Variants in PCDH11X observed in about 807,000 individuals in gnomAD.
PCDH11X encodes the protein protocadherin 11 X-linked.
PCDH11X carries 18 observed loss-of-function variants against 53.3 expected under a neutral mutation model. The observed-to-expected ratio is 0.34, with a 90% confidence interval of 0.23 to 0.50. The LOEUF (loss-of-function observed/expected upper bound fraction) is 0.50. Among genes scored for constraint, PCDH11X ranks in the 20% least tolerant of loss-of-function variants. PCDH11X has a pLI of 0.98. For missense variants in PCDH11X, 570 were observed against 1,032.4 expected, an observed-to-expected ratio of 0.55 and a Z score of 6.14; for synonymous variants, 279 against 393.3, an observed-to-expected ratio of 0.71 and a Z score of 3.44.
chrX:92,565,485 A>G (rs1272378025), intron 10 of PCDH11X, among the ~76,000 whole-genome samples: 2 of 96,510 alleles, frequency 2.1e-5, no homozygotes, highest in African/African-American at 7.5e-5. Flanking sequence ...CATTTGCAAC[A>G]ACATAGATGG....
chrX:92,102,510 AG>A lies in PCDH11X; in HGVS notation c.3034-98862del, dbSNP rs2064281532. 2.7e-5 allele frequency among the ~76,000 whole-genome samples: 3 copies of A among 111,460 alleles called. No individual in the cohort carries two copies. The South Asian group carries it at 1.1e-3, about 42-fold the overall frequency. On this transcript the variant is annotated intron_variant, in intron 6 of 10. Transcript: ENST00000682573. Reference sequence around the variant, plus strand: ...GGGAGATTAATCGGACACGATCAGCAGGGAAAGCATGTGTGTTTTTAGGAGA... The same window carrying A: ...GGGAGATTAATCGGACACGATCAGCAGGAAAGCATGTGTGTTTTTAGGAGA...
chrX:91,977,472 T>C (rs1361272648), intron 6 of PCDH11X, among the ~76,000 whole-genome samples: 1 of 112,154 alleles, frequency 8.9e-6, no homozygotes, highest in East Asian at 2.8e-4. Context: ...CTATGCAGGA[T>C]TTTGTTTCAA....
intron 10 of PCDH11X, among the ~76,000 whole-genome samples, chrX:92,599,109 A>G (rs1925952429): frequency 8.9e-6 from 1 of 111,827 alleles, no homozygotes; most frequent in Admixed American, 9.5e-5. Flanking sequence ...GAATAAATGG[A>G]TAATGCCTAA....
intron 9 of PCDH11X, among the ~76,000 whole-genome samples, chrX:92,438,811 T>C (rs1024694372): frequency 4.5e-5 from 5 of 110,869 alleles, no homozygotes; most frequent in Non-Finnish European, 9.5e-5. Context: ...TTTACCTGTT[T>C]TTATGGGTCT....
chrX:91,876,542 G>T (rs1360894386), intron 5 of PCDH11X: 1 of 410,715 alleles, frequency 2.4e-6, no homozygotes, highest in Admixed American at 9.4e-5. Context: ...ATCAAGAAAA[G>T]TAAAGTAACT....
chrX:91,810,353 A>G (rs1392355051), intron 2 of PCDH11X, 120 bp from the exon 3 acceptor site: 3 of 111,953 alleles, frequency 2.7e-5, no homozygotes, highest in Non-Finnish European at 5.6e-5. Flanking sequence ...ATTTGTAGCC[A>G]TTACAGCTAA....
intron 5 of PCDH11X, among the ~76,000 whole-genome samples, chrX:91,859,750 T>G (rs1438479257): frequency 9.6e-6 from 1 of 104,459 alleles, no homozygotes; most frequent in Non-Finnish European, 2.0e-5. Flanking sequence ...TTTTTTCAGG[T>G]TTGTCAAAGA....
rs753303545 is a variant in PCDH11X at position 92,059,460 on chromosome X, T to C, written c.3034-141915T>C. On this transcript the variant is annotated intron_variant, in intron 6 of 10. Transcript: ENST00000682573. ...TTCAGTATACCATATTGCTTCTGAG[T>C]ACTCAGAATCTCATTTTCAATTGTA... Among the ~76,000 whole-genome samples the C allele has an allele frequency of 4.5e-5, 5 of 110,757 alleles. No individual in the cohort carries two copies. In the South Asian group the frequency reaches 1.1e-3, roughly 25 times the overall value.
At chrX:92,117,578 AG>A (rs2064667147) in intron 6 of PCDH11X, among the ~76,000 whole-genome samples, 1 of 111,899 alleles carries the variant, frequency 8.9e-6, no homozygotes, top group Non-Finnish European at 1.9e-5. Context: ...TGCAAGGGAA[AG>A]GCCATAGACT....
intron 10 of PCDH11X, among the ~76,000 whole-genome samples, chrX:92,587,613 T>C (rs1924534342): frequency 9.0e-6 from 1 of 111,196 alleles, no homozygotes; most frequent in Non-Finnish European, 1.9e-5. Flanking sequence ...AATTATGCTC[T>C]GACAGTGATC....
intron 9 of PCDH11X, among the ~76,000 whole-genome samples, chrX:92,410,597 A>G (rs1186171940): frequency 1.0e-5 from 1 of 98,133 alleles, no homozygotes; most frequent in African/African-American, 4.0e-5. Context: ...AGGAAAATAT[A>G]GGATATTTTT....
At chrX:92,452,487 ATATATATATATG>A (rs2072813305) in intron 9 of PCDH11X, among the ~76,000 whole-genome samples, 1 of 57,972 alleles carries the variant, frequency 1.7e-5, no homozygotes, top group Non-Finnish European at 3.1e-5. Flanking sequence ...ATATATATAT[ATATATATATATG>A]TTTTTTTTTT....
At chrX:92,426,523 A>G (rs1250242264) in intron 9 of PCDH11X, among the ~76,000 whole-genome samples, 1 of 109,281 alleles carries the variant, frequency 9.2e-6, no homozygotes, top group Non-Finnish European at 1.9e-5. Context: ...AAAAATTTGC[A>G]TCGAACTATG....
intron 10 of PCDH11X, among the ~76,000 whole-genome samples, chrX:92,490,053 CT>C (rs2073726826): frequency 9.2e-6 from 1 of 108,968 alleles, no homozygotes; most frequent in South Asian, 3.9e-4. Context: ...CAATATAACC[CT>C]TCTCCTTGTA....
intron 10 of PCDH11X, among the ~76,000 whole-genome samples, chrX:92,495,854 G>A (rs1322285390): frequency 1.9e-5 from 2 of 105,737 alleles, no homozygotes; most frequent in Non-Finnish European, 3.8e-5. Flanking sequence ...AGCGGTATGG[G>A]GGAAACTGCC....
At chrX:92,509,237 C>T (rs749542901) in intron 10 of PCDH11X, among the ~76,000 whole-genome samples, 1 of 110,158 alleles carries the variant, frequency 9.1e-6, no homozygotes, top group Non-Finnish European at 1.9e-5. Context: ...AGATTTGCTT[C>T]TTAGCTCAAA....
chrX:92,428,644 T>C lies in PCDH11X; in HGVS notation c.3344-39655T>C, dbSNP rs183557288. Among the ~76,000 whole-genome samples the C allele has an allele frequency of 7.0e-3, 780 of 111,486 alleles. 5 individuals carry two copies. The highest frequency in any genetic ancestry group is 0.011 in the Non-Finnish European group (593 of 52,988). The stretch of plus-strand genomic sequence containing the variant: ...TTTCTTTTTATATTATAGCAAACTC[T>C]TGTACATTTACTTACTTATTTTCTT... On this transcript the variant is annotated intron_variant, in intron 9 of 10. Transcript: ENST00000682573.
At chrX:92,471,815 A>T (rs1414824235) in intron 10 of PCDH11X, among the ~76,000 whole-genome samples, 2 of 104,964 alleles carry the variant, frequency 1.9e-5, no homozygotes, top group Non-Finnish European at 2.0e-5. Flanking sequence ...CTGGTGTGAG[A>T]TAGTATCTCA....
intron 10 of PCDH11X, among the ~76,000 whole-genome samples, chrX:92,517,597 T>G (rs1228899761): frequency 3.6e-5 from 4 of 111,631 alleles, no homozygotes; most frequent in Non-Finnish European, 7.5e-5. Context: ...CTGCTCATTT[T>G]AAATGGGATT....
Sources: allele counts gnomAD v4.1 joint callset (sites outside exome capture counted in the v4.1 genomes callset), GRCh38; gene constraint gnomAD v4.1.1; transcripts MANE v1.5; gene names NCBI Gene and HGNC (gene_info 2026-07-23, HGNC 2026-07-21).